The following JMJD1C variants were observed in gnomAD, a reference collection of about 807,000 sequenced individuals.
JMJD1C encodes the protein jumonji domain-containing protein 1C.
Under a neutral mutation model 245.3 loss-of-function variants are expected in JMJD1C, and 31 were observed. The ratio of observed to expected loss-of-function variants is 0.13; its 90% CI spans 0.09 to 0.17. The LOEUF (loss-of-function observed/expected upper bound fraction) is 0.17, where lower values mean the gene tolerates loss of function less well. Ranked by LOEUF, JMJD1C falls within the 10% of genes least tolerant of loss-of-function variation. JMJD1C has a pLI of 1.00. For missense variants in JMJD1C, 2,691 were observed against 3,000.2 expected, an observed-to-expected ratio of 0.90 and a Z score of 2.41; for synonymous variants, 1,057 against 1,017.4, an observed-to-expected ratio of 1.04 and a Z score of -0.74.
intron 1 of JMJD1C, chr10:63,427,933 A>C: frequency 1.4e-6 from 1 of 710,766 alleles, no homozygotes; most frequent in South Asian, 1.5e-5. Flanking sequence ...TAGAAGCAGC[A>C]GCAGCAGCAG....
At chr10:63,217,566 A>G (rs1380346472) in intron 4 of JMJD1C, 1 of 288,262 alleles carries the variant, frequency 3.5e-6, no homozygotes, top group African/African-American at 2.2e-5. Context: ...TTTAAGAGAG[A>G]AGGAAGGTTT....
intron 3 of JMJD1C, among the ~76,000 whole-genome samples, chr10:63,235,758 GGTCT>G (rs888730956): frequency 6.6e-6 from 1 of 152,096 alleles, no homozygotes; most frequent in African/African-American, 2.4e-5. Flanking sequence ...AATCAGCAAA[GGTCT>G]GTCTAATGTC....
At chr10:63,184,859 T>C (rs1843932022) in intron 20 of JMJD1C, 121 bp from the exon 21 acceptor site, 1 of 879,370 alleles carries the variant, frequency 1.1e-6, no homozygotes, top group African/African-American at 1.7e-5. Context: ...AGGTAACAAT[T>C]TTCCTTGACT....
At position 63,496,841 on chromosome 10, in the gene JMJD1C, GGCTTTAAAT is replaced by G. The variant is rs2133235595; in HGVS notation, n.113+24888_113+24896del. 2.0e-5 allele frequency among the ~76,000 whole-genome samples: 3 copies of G among 152,292 alleles called. No individual in the cohort carries two copies. The South Asian group carries it at 6.2e-4, about 32-fold the overall frequency. On this transcript the variant is annotated intron_variant and non_coding_transcript_variant, in intron 1 of 3. Coordinates refer to the JMJD1C transcript ENST00000633035. ...GTGACATATGTCAGTTCTGAGCAAA[GGCTTTAAAT>G]GCATGTTTCCACTAGTTCTGTTGCT...
chr10:63,408,829 A>G (rs1949322684), intron 1 of JMJD1C, among the ~76,000 whole-genome samples: 1 of 152,150 alleles, frequency 6.6e-6, no homozygotes, highest in Non-Finnish European at 1.5e-5. Flanking sequence ...CCAAGATGAT[A>G]GTCACATAAA....
At chr10:63,447,987 CAA>C (rs2132987333) in intron 1 of JMJD1C, among the ~76,000 whole-genome samples, 1 of 151,842 alleles carries the variant, frequency 6.6e-6, no homozygotes, top group South Asian at 2.1e-4. Context: ...TTCCTTGAAA[CAA>C]AGTCTAATAA....
intron 2 of JMJD1C, among the ~76,000 whole-genome samples, chr10:63,337,954 G>A (rs1032762522): frequency 6.6e-6 from 1 of 152,154 alleles, no homozygotes; most frequent in Non-Finnish European, 1.5e-5. Flanking sequence ...GATGTGGCAA[G>A]TAAAACTATA....
chr10:63,382,515 T>C (rs377151095), intron 1 of JMJD1C, among the ~76,000 whole-genome samples: 83 of 152,166 alleles, frequency 5.5e-4, no homozygotes, highest in African/African-American at 2.0e-3. Flanking sequence ...ATTAAAAACA[T>C]GCAACAAACT....
chr10:63,316,980 C>G (rs552362648), intron 2 of JMJD1C, among the ~76,000 whole-genome samples: 1 of 152,220 alleles, frequency 6.6e-6, no homozygotes, highest in Non-Finnish European at 1.5e-5. Context: ...ATGTCTCAGC[C>G]TCCCGAGTAG....
intron 2 of JMJD1C, among the ~76,000 whole-genome samples, chr10:63,301,255 T>G (rs573963460): frequency 2.0e-5 from 3 of 152,216 alleles, no homozygotes; most frequent in African/African-American, 7.2e-5. Context: ...CCCCAAGCAA[T>G]CCTCCCACCT....
intron 2 of JMJD1C, among the ~76,000 whole-genome samples, chr10:63,362,608 T>C (rs1945485039): frequency 6.6e-6 from 1 of 152,082 alleles, no homozygotes. Flanking sequence ...GCCTCCCAAG[T>C]AGCTGGGACT....
At chr10:63,413,428 T>G (rs1238585107) in intron 1 of JMJD1C, among the ~76,000 whole-genome samples, 1 of 152,190 alleles carries the variant, frequency 6.6e-6, no homozygotes, top group African/African-American at 2.4e-5. Context: ...TGTGTAGATT[T>G]TAAGACAGGT....
intron 1 of JMJD1C, among the ~76,000 whole-genome samples, chr10:63,511,802 G>A (rs1954881023): frequency 6.6e-6 from 1 of 152,164 alleles, no homozygotes; most frequent in Non-Finnish European, 1.5e-5. Context: ...AAGTTCAACA[G>A]GGCCATCTGC....
At chr10:63,306,426 G>T (rs10761741) in intron 2 of JMJD1C, among the ~76,000 whole-genome samples, 58,397 of 151,964 alleles carry the variant, frequency 0.38, 11,589 homozygotes, top group South Asian at 0.5. Context: ...TTAATTTTTG[G>T]ATCCTATGGT....
intron 2 of JMJD1C, among the ~76,000 whole-genome samples, chr10:63,361,330 G>C (rs1259461689): frequency 6.6e-6 from 1 of 152,174 alleles, no homozygotes; most frequent in African/African-American, 2.4e-5. Context: ...GGCTGAGGCA[G>C]AAGAATCATT....
At chr10:63,354,626 T>C (rs1187625610) in intron 2 of JMJD1C, among the ~76,000 whole-genome samples, 1 of 151,658 alleles carries the variant, frequency 6.6e-6, no homozygotes, top group Non-Finnish European at 1.5e-5. Flanking sequence ...ATCTTTTATA[T>C]TTACTTTTTT....
At position 63,360,789 on chromosome 10, in the gene JMJD1C, CTTTT is replaced by C. The variant is rs139124779; in HGVS notation, c.333+19525_333+19528del. ...AAACCTGATTTTAAAAGTATAGTTT[CTTTT>C]TTTATTTTTGAGACAGAGTCTCACT... On this transcript the variant is annotated intron_variant, in intron 2 of 25. Coordinates refer to ENST00000399262, the MANE Select transcript of JMJD1C (RefSeq NM_032776.3). Among the ~76,000 whole-genome samples, 1,480 of 151,900 alleles carry C rather than the reference CTTTT, an allele frequency of 9.7e-3. 20 individuals carry two copies. The highest frequency in any genetic ancestry group is 0.033 in the African/African-American group (1,370 of 41,458).
At chr10:63,341,251 G>A (rs763949608) in intron 2 of JMJD1C, among the ~76,000 whole-genome samples, 12 of 152,222 alleles carry the variant, frequency 7.9e-5, no homozygotes, top group Non-Finnish European at 1.6e-4. Flanking sequence ...AGCATCTGCT[G>A]ATCATGAAGC....
chr10:63,373,173 T>C (rs958101063), intron 2 of JMJD1C: 2 of 161,538 alleles, frequency 1.2e-5, no homozygotes, highest in Non-Finnish European at 2.9e-5. Flanking sequence ...GTAACTTACA[T>C]GAAGACGCAA....
Sources: gnomAD v4.1 joint callset for allele counts (sites outside exome capture counted in the v4.1 genomes callset) on GRCh38, gnomAD v4.1.1 for gene constraint, MANE v1.5 for transcripts, NCBI Gene and HGNC (gene_info 2026-07-23, HGNC 2026-07-21) for gene names.